KAZN: variants seen among roughly 807,000 people sequenced by gnomAD.
KAZN encodes the protein kazrin, periplakin interacting protein.
KAZN carries 40 observed loss-of-function variants against 87.4 expected under a neutral mutation model. That is an observed-to-expected ratio of 0.46 (90% CI 0.36 to 0.60). The LOEUF (loss-of-function observed/expected upper bound fraction) is 0.60. Among genes scored for constraint, KAZN ranks in the 20% least tolerant of loss-of-function variants. The pLI is 0.00. For synonymous variants in KAZN, 466 were observed against 458.3 expected (o/e 1.02, Z -0.22); for missense variants, 898 against 1,073.9 (o/e 0.84, Z 2.29).
chr1:14,146,886 G>A (rs1034857539), intron 1 of KAZN, among the ~76,000 whole-genome samples: 1 of 151,938 alleles, frequency 6.6e-6, no homozygotes, highest in African/African-American at 2.4e-5. Flanking sequence ...GTTGATCCTT[G>A]AACAACATAG....
chr1:14,685,152 T>A (rs1160099186), intron 1 of KAZN, among the ~76,000 whole-genome samples: 3 of 151,882 alleles, frequency 2.0e-5, no homozygotes, highest in African/African-American at 7.3e-5. Context: ...CTCAGGAAAG[T>A]GAGATATGAA....
Position 15,066,684 on chromosome 1 carries a change from G to T in KAZN, c.1222+931G>T. 1.0e-6 allele frequency: 1 copy of T among 985,378 alleles called. No homozygotes were observed. Among genetic ancestry groups the T allele is most frequent in the African/African-American group, 1.7e-5 (1 of 57,332 alleles). 61.0% of individuals were successfully genotyped at this position (985,378 alleles called of 1,614,324 possible). On this transcript the variant is annotated intron_variant, in intron 8 of 14. Transcript: ENST00000376030. This position sits in a 1 kb window ranked among gnomAD's most constrained non-coding sequence, Gnocchi z 4.3. ...TTTTTCCATGGGGTGGGCGGGAGGT[G>T]GGTGTCTCTGTTGACTTGTCTGTTC...
chr1:13,913,821 G>T (rs770091092), intron 1 of KAZN, among the ~76,000 whole-genome samples: 12 of 152,180 alleles, frequency 7.9e-5, no homozygotes, highest in Non-Finnish European at 1.2e-4. Context: ...TGATTACTGG[G>T]TCTCACTGCA....
At chr1:14,453,049 G>A (rs1346419746) in intron 2 of KAZN, among the ~76,000 whole-genome samples, 2 of 152,034 alleles carry the variant, frequency 1.3e-5, no homozygotes, top group Non-Finnish European at 2.9e-5. Context: ...TCTGCCTCCC[G>A]GGTTTATGCC....
At chr1:14,541,903 G>T (rs1672833777) in intron 2 of KAZN, among the ~76,000 whole-genome samples, 1 of 152,240 alleles carries the variant, frequency 6.6e-6, no homozygotes, top group African/African-American at 2.4e-5. Context: ...GGAGCAGCCA[G>T]TGGAAACGTC....
intron 1 of KAZN, among the ~76,000 whole-genome samples, chr1:14,041,480 T>G (rs1157073682): frequency 6.6e-6 from 1 of 152,222 alleles, no homozygotes; most frequent in Non-Finnish European, 1.5e-5. Context: ...TATAGAATGC[T>G]CCTCAATGCA....
At chr1:14,166,475 C>T (rs930980584) in intron 1 of KAZN, among the ~76,000 whole-genome samples, 3 of 152,122 alleles carry the variant, frequency 2.0e-5, no homozygotes, top group East Asian at 1.9e-4. Context: ...CTATGAAATG[C>T]GGGTGATCAG....
intron 2 of KAZN, among the ~76,000 whole-genome samples, chr1:14,419,632 T>C (rs1424876859): frequency 6.6e-6 from 1 of 152,240 alleles, no homozygotes; most frequent in African/African-American, 2.4e-5. Flanking sequence ...GTCCGGAGTT[T>C]GTTCCTTCTG....
intron 8 of KAZN, among the ~76,000 whole-genome samples, chr1:15,086,584 C>T (rs1310874748): frequency 6.6e-6 from 1 of 152,132 alleles, no homozygotes; most frequent in Admixed American, 6.5e-5. Context: ...TACAAGAAGA[C>T]ATGATGAACA....
intron 2 of KAZN, among the ~76,000 whole-genome samples, chr1:14,401,535 G>C (rs749961341): frequency 6.6e-6 from 1 of 152,038 alleles, no homozygotes; most frequent in Non-Finnish European, 1.5e-5. Flanking sequence ...ATCAGTATAG[G>C]TCTGGCACAG....
intron 1 of KAZN, among the ~76,000 whole-genome samples, chr1:14,127,327 G>C (rs1644893615): frequency 6.6e-6 from 1 of 151,604 alleles, no homozygotes; most frequent in Non-Finnish European, 1.5e-5. Flanking sequence ...AACAATTTTA[G>C]AGGTAATGTA....
rs919311481 is a variant in KAZN, at chr1:15,116,016, A to G, written c.*1381A>G. 2 of 152,240 alleles carry G rather than the reference A, an allele frequency of 1.3e-5. No individual in the cohort carries two copies. The highest frequency in any genetic ancestry group is 4.8e-5 in the African/African-American group (2 of 41,456). The allele number at this position is 152,240 out of a possible 1,614,324, so 9.4% of individuals were successfully genotyped here. On this transcript the variant is annotated 3_prime_UTR_variant, in exon 15 of 15. Coordinates refer to ENST00000376030, the MANE Select transcript of KAZN (RefSeq NM_201628.3). ...CAAGAGCCTCCAACAGGGCTCAAGA[A>G]ACATATAAATCCCATGAGCACAGCC...
intron 2 of KAZN, among the ~76,000 whole-genome samples, chr1:14,438,385 A>G (rs1372037432): frequency 2.6e-5 from 4 of 152,180 alleles, no homozygotes; most frequent in African/African-American, 4.8e-5. Flanking sequence ...GACATATGAC[A>G]TGTCAGATGG....
chr1:14,106,454 C>T (rs1355474535), intron 1 of KAZN, among the ~76,000 whole-genome samples: 1 of 152,176 alleles, frequency 6.6e-6, no homozygotes, highest in East Asian at 1.9e-4. Context: ...CTTCTCAAGC[C>T]CCCTCCAGCC....
chr1:14,371,368 A>C (rs1022369140), intron 2 of KAZN, among the ~76,000 whole-genome samples: 1 of 152,212 alleles, frequency 6.6e-6, no homozygotes, highest in Non-Finnish European at 1.5e-5. Context: ...CTCTTGCAAA[A>C]GTATTTCACA....
At chr1:14,433,663 G>A (rs1484472406) in intron 2 of KAZN, among the ~76,000 whole-genome samples, 2 of 152,184 alleles carry the variant, frequency 1.3e-5, no homozygotes, top group African/African-American at 4.8e-5. Flanking sequence ...TTCAAGAGCA[G>A]CCTGACCAAC....
chr1:14,423,159 A>T (rs2101329829), intron 2 of KAZN, among the ~76,000 whole-genome samples: 1 of 152,324 alleles, frequency 6.6e-6, no homozygotes, highest in South Asian at 2.1e-4. Flanking sequence ...TCCTTGGAAC[A>T]GAATTTGAGA....
At chr1:14,852,206 C>T (rs867102439) in intron 1 of KAZN, among the ~76,000 whole-genome samples, 12 of 152,300 alleles carry the variant, frequency 7.9e-5, no homozygotes, top group Non-Finnish European at 1.8e-4. Flanking sequence ...CTAACTGGAC[C>T]CGGCACTGGA....
rs1210529786 is a variant in KAZN, at chr1:15,094,932, A to G, written c.1546A>G (p.Ser516Gly). ...CTACCGTGATGCCGAGGCAGGCCGC[A>G]GGTGAGCCCACCACGAGGGGCCCCG... ...EDYRDAEAGR[S>G]LSKAAELDHH... Residue 516 changes from serine (S) to glycine (G), a missense_variant and splice_region_variant, in exon 10 of 15, where the codon AGC (serine) becomes GGC (glycine). Physicochemically the swap from Ser to Gly is moderately conservative, Grantham distance 56. Around this residue, in one of 3 missense-constraint regions of KAZN, gnomAD observed 521 missense variants for 689.4 expected, o/e 0.76. Coordinates refer to ENST00000376030, the MANE Select transcript of KAZN (RefSeq NM_201628.3). This position sits in a 1 kb window ranked among gnomAD's most constrained non-coding sequence, Gnocchi z 4.5. 3 of 1,547,466 alleles carry G rather than the reference A, an allele frequency of 1.9e-6. No homozygotes were observed. The highest frequency in any genetic ancestry group is 2.6e-6 in the Non-Finnish European group (3 of 1,144,696).
Sources: gnomAD v4.1 joint callset for allele counts (sites outside exome capture counted in the v4.1 genomes callset) on GRCh38, gnomAD v4.1.1 for gene constraint, gnomAD v4.1.1 regional missense constraint, Gnocchi (gnomAD v3.1) non-coding constraint, MANE v1.5 for transcripts, NCBI Gene and HGNC (gene_info 2026-07-23, HGNC 2026-07-21) for gene names.